The following LAMB4 variants were observed in gnomAD, a reference collection of about 807,000 sequenced individuals.
LAMB4 encodes the protein laminin subunit beta-4.
A neutral mutation model predicts 199.2 loss-of-function variants in LAMB4; 196 were observed. The observed-to-expected ratio is 0.98, with a 90% CI of 0.88 to 1.11. LAMB4 has a LOEUF of 1.11. Among genes scored for constraint, LAMB4 ranks in the 50% least tolerant of loss-of-function variants. The pLI, the probability that LAMB4 is intolerant of heterozygous loss-of-function variation, is 0.00. For missense variants in LAMB4, 2,080 were observed against 2,171.2 expected, an observed-to-expected ratio of 0.96 and a Z score of 0.83; for synonymous variants, 744 against 770.6, an observed-to-expected ratio of 0.97 and a Z score of 0.57.
chr7:108,051,326 G>A (rs1393697672), intron 26 of LAMB4, among the ~76,000 whole-genome samples: 1 of 151,804 alleles, frequency 6.6e-6, no homozygotes, highest in East Asian at 1.9e-4. Context: ...GTCAAAATCA[G>A]ATAAAACACA....
intron 1 of LAMB4, among the ~76,000 whole-genome samples, chr7:108,128,793 T>C (rs1260741553): frequency 1.3e-5 from 2 of 152,206 alleles, no homozygotes; most frequent in African/African-American, 2.4e-5. Context: ...AGAGCTGACA[T>C]TGGAAAGCCT....
At chr7:108,057,506 A>G (rs1161972124) in intron 24 of LAMB4, among the ~76,000 whole-genome samples, 2 of 152,186 alleles carry the variant, frequency 1.3e-5, no homozygotes, top group African/African-American at 4.8e-5. Context: ...ATGGCTGACC[A>G]TGGTGATAAG....
chr7:108,077,405 A>T (rs912736179), intron 16 of LAMB4, among the ~76,000 whole-genome samples: 2 of 152,036 alleles, frequency 1.3e-5, no homozygotes, highest in South Asian at 2.1e-4. Flanking sequence ...CAAAAAAAAA[A>T]TTTTTGCGGC....
chr7:108,067,077 A>G (rs2036369828), intron 19 of LAMB4, among the ~76,000 whole-genome samples: 2 of 152,254 alleles, frequency 1.3e-5, no homozygotes, highest in South Asian at 4.1e-4. Flanking sequence ...AAATTGTTGA[A>G]TCCCTTGAGC....
intron 23 of LAMB4, among the ~76,000 whole-genome samples, chr7:108,059,496 C>T (rs2036091517): frequency 6.6e-6 from 1 of 152,152 alleles, no homozygotes; most frequent in Non-Finnish European, 1.5e-5. Flanking sequence ...TAGCATAGTT[C>T]TGTCCATTAT....
intron 14 of LAMB4, among the ~76,000 whole-genome samples, chr7:108,087,501 A>G (rs1008911085): frequency 1.3e-5 from 2 of 152,250 alleles, no homozygotes; most frequent in Non-Finnish European, 2.9e-5. Flanking sequence ...ACAAGCCTAC[A>G]GTGGCTCTGA....
intron 30 of LAMB4, among the ~76,000 whole-genome samples, chr7:108,036,986 A>T (rs896265462): frequency 6.6e-6 from 1 of 152,016 alleles, no homozygotes; most frequent in African/African-American, 2.4e-5. Context: ...ACTTTAAAAA[A>T]TAATTTTGAT....
At chr7:108,110,326 G>T (rs2038176949) in intron 4 of LAMB4, among the ~76,000 whole-genome samples, 1 of 152,196 alleles carries the variant, frequency 6.6e-6, no homozygotes, top group Admixed American at 6.5e-5. Context: ...ACTGCACCCT[G>T]CCAGAAAATC....
chr7:108,129,259 C>T (rs2038899299), intron 1 of LAMB4, among the ~76,000 whole-genome samples: 1 of 151,962 alleles, frequency 6.6e-6, no homozygotes, highest in South Asian at 2.1e-4. Flanking sequence ...GCAGGAAAGA[C>T]ATGCATTCCG....
At chr7:108,116,942 C>T (rs1046058705) in intron 2 of LAMB4, among the ~76,000 whole-genome samples, 4 of 152,152 alleles carry the variant, frequency 2.6e-5, no homozygotes, top group East Asian at 1.9e-4. Context: ...GAAGCTGAGG[C>T]GGGAGGATTG....
chr7:108,027,610 T>C (rs1317169269), intron 33 of LAMB4, among the ~76,000 whole-genome samples: 1 of 152,204 alleles, frequency 6.6e-6, no homozygotes, highest in Admixed American at 6.5e-5. Flanking sequence ...CTTACACTCC[T>C]AGTTTTAAAG....
chr7:108,121,181 G>A (rs566592420), intron 2 of LAMB4, among the ~76,000 whole-genome samples: 3 of 152,186 alleles, frequency 2.0e-5, no homozygotes, highest in African/African-American at 7.2e-5. Flanking sequence ...GATAGAACCT[G>A]AAGATAGAAT....
chr7:108,055,577 G>A, intron 25 of LAMB4, 55 bp downstream of exon 25: 2 of 1,520,856 alleles, frequency 1.3e-6, no homozygotes, highest in East Asian at 4.5e-5. Flanking sequence ...AAAGCTTGGT[G>A]GGAGTTAAGG....
At chr7:108,090,561 C>T (rs1278908850) in intron 14 of LAMB4, among the ~76,000 whole-genome samples, 1 of 151,972 alleles carries the variant, frequency 6.6e-6, no homozygotes, top group Non-Finnish European at 1.5e-5. Context: ...GGCTCAGAGC[C>T]GTATTGGCAT....
chr7:108,072,865 A>AT (rs2150566870), intron 17 of LAMB4, among the ~76,000 whole-genome samples: 1 of 152,348 alleles, frequency 6.6e-6, no homozygotes, highest in South Asian at 2.1e-4. Flanking sequence ...GTGGGGAGAG[A>AT]TGAAAAAGAA....
At chr7:108,034,065 C>T (rs1239140536) in intron 31 of LAMB4, 143 bp downstream of exon 31, 5 of 815,726 alleles carry the variant, frequency 6.1e-6, no homozygotes, top group Non-Finnish European at 1.0e-5. Flanking sequence ...TAAATACATG[C>T]ATAATACTAC....
At chr7:108,110,956 T>C (rs569191976) in intron 4 of LAMB4, among the ~76,000 whole-genome samples, 2 of 44,034 alleles carry the variant, frequency 4.5e-5, no homozygotes, top group African/African-American at 1.9e-4. Flanking sequence ...CACTCCCTTC[T>C]AATGGTCTAA....
At chr7:108,078,592 C>G (rs1024055623) in intron 15 of LAMB4, among the ~76,000 whole-genome samples, 3 of 152,164 alleles carry the variant, frequency 2.0e-5, no homozygotes, top group Admixed American at 2.0e-4. Flanking sequence ...TCCTCAACCC[C>G]CATTTCCCAG....
Position 108,106,553 on chromosome 7 carries a change from T to G in LAMB4, c.611A>C (p.Asp204Ala). 1 of 1,571,516 alleles carries G rather than the reference T, an allele frequency of 6.4e-7. No homozygotes were observed. Among genetic ancestry groups the G allele is most frequent in the Non-Finnish European group, 8.7e-7 (1 of 1,143,168 alleles). The change falls in exon 7 of 34, where the codon GAT becomes GCT. Residue 204 changes from aspartate to alanine, a missense_variant. Transcript: ENST00000388781. ...AGGGTTTTCAATTTCAAAACTGGGA[T>G]CCAAAACTTTTAAAACAACCTGTAA... Reference protein sequence around the residue: ...TGGEVVLKVLDPSFEIENPYS... With the variant: ...TGGEVVLKVLAPSFEIENPYS...
Sources: allele counts gnomAD v4.1 joint callset (sites outside exome capture counted in the v4.1 genomes callset), GRCh38; gene constraint gnomAD v4.1.1; transcripts MANE v1.5; gene names NCBI Gene and HGNC (gene_info 2026-07-23, HGNC 2026-07-21).